The following SMG6 variants were observed in gnomAD, a reference collection of about 807,000 sequenced individuals.
SMG6 encodes the protein SMG6 nonsense mediated mRNA decay factor.
A neutral mutation model predicts 142.2 loss-of-function variants in SMG6; 66 were observed. The ratio of observed to expected loss-of-function variants is 0.46; its 90% CI spans 0.38 to 0.57. The LOEUF (loss-of-function observed/expected upper bound fraction) is 0.57. Among genes scored for constraint, SMG6 ranks in the 20% least tolerant of loss-of-function variants. The pLI is 0.00. For synonymous variants in SMG6, 779 were observed against 702.4 expected, an observed-to-expected ratio of 1.11 and a Z score of -1.72; for missense variants, 1,793 against 1,832.0, an observed-to-expected ratio of 0.98 and a Z score of 0.39.
At chr17:2,213,323 T>C (rs1312801607) in intron 10 of SMG6, among the ~76,000 whole-genome samples, 1 of 152,180 alleles carries the variant, frequency 6.6e-6, no homozygotes, top group Non-Finnish European at 1.5e-5. Context: ...ACAATCAGGA[T>C]TCTGGAGAAG....
At chr17:2,287,081 G>A (rs2074924157) in intron 6 of SMG6, among the ~76,000 whole-genome samples, 1 of 152,044 alleles carries the variant, frequency 6.6e-6, no homozygotes. Flanking sequence ...ACAGGCGCCT[G>A]CCACTGCGCC....
intron 13 of SMG6, among the ~76,000 whole-genome samples, chr17:2,092,137 T>C (rs982248285): frequency 1.1e-4 from 16 of 152,004 alleles, no homozygotes; most frequent in African/African-American, 3.6e-4. Flanking sequence ...AGGTGCGCAC[T>C]ACCATGCCTG....
intron 12 of SMG6, among the ~76,000 whole-genome samples, chr17:2,185,339 A>C (rs536534150): frequency 6.6e-6 from 1 of 152,210 alleles, no homozygotes; most frequent in Admixed American, 6.5e-5. Flanking sequence ...AGACAAATGG[A>C]CCTAGACAAG....
At chr17:2,073,210 A>G (rs963087892) in intron 15 of SMG6, among the ~76,000 whole-genome samples, 3 of 151,912 alleles carry the variant, frequency 2.0e-5, no homozygotes, top group Non-Finnish European at 2.9e-5. Context: ...CAGCCTCCCA[A>G]GTAGCTGGGA....
At chr17:2,138,113 T>G (rs557026748) in intron 13 of SMG6, among the ~76,000 whole-genome samples, 1 of 151,176 alleles carries the variant, frequency 6.6e-6, no homozygotes, top group African/African-American at 2.4e-5. Context: ...GGTGTTGTTA[T>G]ATCACAACAT....
At chr17:2,280,979 G>A (rs2074771988) in intron 8 of SMG6, among the ~76,000 whole-genome samples, 1 of 152,170 alleles carries the variant, frequency 6.6e-6, no homozygotes, top group Admixed American at 6.6e-5. Flanking sequence ...GGCTGAGGCA[G>A]GAAAATCACT....
chr17:2,247,282 G>C (rs1475942898), intron 8 of SMG6, among the ~76,000 whole-genome samples: 2 of 152,170 alleles, frequency 1.3e-5, no homozygotes, highest in Non-Finnish European at 2.9e-5. Flanking sequence ...GGAGTTTTTT[G>C]TGTTATTCTT....
intron 10 of SMG6, among the ~76,000 whole-genome samples, chr17:2,200,235 G>GT (rs756969625): frequency 4.6e-5 from 7 of 151,486 alleles, no homozygotes; most frequent in African/African-American, 7.3e-5. Flanking sequence ...AAAACTTTTT[G>GT]TTTTTTTTAA....
intron 13 of SMG6, among the ~76,000 whole-genome samples, chr17:2,102,284 G>T (rs1453327676): frequency 6.6e-6 from 1 of 152,124 alleles, no homozygotes; most frequent in Non-Finnish European, 1.5e-5. Context: ...ATTAAACCCA[G>T]CTAATTAACA....
chr17:2,242,298 G>A (rs753182777), intron 9 of SMG6, among the ~76,000 whole-genome samples: 19 of 148,364 alleles, frequency 1.3e-4, no homozygotes, highest in Non-Finnish European at 2.4e-4. Context: ...GGACCACGAG[G>A]TCAGGAGATC....
At chr17:2,291,138 T>C (rs1407874445) in intron 6 of SMG6, among the ~76,000 whole-genome samples, 1 of 152,174 alleles carries the variant, frequency 6.6e-6, no homozygotes, top group East Asian at 1.9e-4. Flanking sequence ...GAGACCATCC[T>C]GGCTAACACA....
intron 4 of SMG6, among the ~76,000 whole-genome samples, chr17:2,296,722 G>A (rs371928872): frequency 5.9e-5 from 9 of 152,262 alleles, no homozygotes; most frequent in Admixed American, 4.6e-4. Flanking sequence ...GGCCAGGCCC[G>A]GTGGCTCATG....
At position 2,261,820 on chromosome 17, in the gene SMG6, A is replaced by G. The variant is rs186166559; in HGVS notation, c.2662-17101T>C. Among the ~76,000 whole-genome samples, 288 of 152,344 alleles carry G rather than the reference A, an allele frequency of 1.9e-3. 1 individual carries two copies. The highest frequency in any genetic ancestry group is 6.7e-3 in the African/African-American group (279 of 41,586). The stretch of plus-strand genomic sequence containing the variant: ...TGACCACAAGTGACAGCTTCCTAGG[A>G]GCACGAAGGGCACTATTAGTGCCTT... On this transcript the variant is annotated intron_variant, in intron 8 of 18. Transcript: ENST00000263073.
intron 13 of SMG6, 84 bp downstream of exon 13, chr17:2,172,574 G>C: frequency 1.4e-6 from 2 of 1,419,944 alleles, no homozygotes; most frequent in Non-Finnish European, 9.9e-7. Flanking sequence ...TGTTCCATTT[G>C]CACAGAAAAC....
Position 2,234,223 on chromosome 17 carries a change from T to C in SMG6, c.2869+2269A>G, listed in dbSNP as rs146089735. Among the ~76,000 whole-genome samples, 800 of 152,152 alleles carry C rather than the reference T, an allele frequency of 5.3e-3. 7 individuals are homozygous for C. The highest frequency in any genetic ancestry group is 8.5e-3 in the Non-Finnish European group (577 of 67,996). On this transcript the variant is annotated intron_variant, in intron 10 of 18. Transcript: ENST00000263073. ...TCTGTACTCACCATCTTACCTTCCT[T>C]TTACCTGTATTTTCTTTTTTTTTTA...
intron 10 of SMG6, among the ~76,000 whole-genome samples, chr17:2,222,902 T>TA (rs1262188340): frequency 6.6e-6 from 1 of 152,150 alleles, no homozygotes; most frequent in Non-Finnish European, 1.5e-5. Context: ...AAATAATACT[T>TA]ACGAAACATT....
chr17:2,127,645 G>A (rs1397162601), intron 13 of SMG6: 1 of 569,284 alleles, frequency 1.8e-6, no homozygotes, highest in Non-Finnish European at 3.5e-6. Context: ...TTCATTCAAC[G>A]AATACAATTC....
rs2068087823 is a variant in SMG6 at position 2,071,114 on chromosome 17, G to A, written c.3682-2183C>T. Among the ~76,000 whole-genome samples the A allele has an allele frequency of 6.6e-6, 1 of 152,198 alleles. No individual in the cohort carries two copies. Reference sequence around the variant, plus strand: ...TGGCTTAGGGAGACGTGGGAGCAGTGGCAGCTGGAGTGACAGGGGCTGGGG... The same window carrying A: ...TGGCTTAGGGAGACGTGGGAGCAGTAGCAGCTGGAGTGACAGGGGCTGGGG... On this transcript the variant is annotated intron_variant, in intron 15 of 18. Transcript: ENST00000263073. The surrounding 1 kb of genome is among the most constrained non-coding windows in gnomAD (Gnocchi z 5.6).
At position 2,085,148 on chromosome 17, in the gene SMG6, GCACA is replaced by G. The variant is rs151180741; in HGVS notation, c.3534+573_3534+576del. Among the ~76,000 whole-genome samples the G allele has an allele frequency of 1.2e-4, 18 of 151,430 alleles. No homozygotes were observed. The highest frequency in any genetic ancestry group is 7.7e-4 in the East Asian group (4 of 5,168). ...CGTGCGCACACACACACACAGACGC[GCACA>G]CACACACACAGACACACACACACGA... On this transcript the variant is annotated intron_variant, in intron 14 of 18. Transcript: ENST00000263073. This position sits in a 1 kb window ranked among gnomAD's most constrained non-coding sequence, Gnocchi z 4.1.
Sources: allele counts gnomAD v4.1 joint callset (sites outside exome capture counted in the v4.1 genomes callset), GRCh38; gene constraint gnomAD v4.1.1; non-coding constraint Gnocchi (gnomAD v3.1); transcripts MANE v1.5; gene names NCBI Gene and HGNC (gene_info 2026-07-23, HGNC 2026-07-21).